Variants in TGIF1 observed in about 807,000 individuals in gnomAD.
The protein encoded by TGIF1 is homeobox protein TGIF1.
Under a neutral mutation model 19.3 loss-of-function variants are expected in TGIF1, and 4 were observed. The ratio of observed to expected loss-of-function variants is 0.21; its 90% CI spans 0.10 to 0.47. The LOEUF is 0.47. Ranked by LOEUF, TGIF1 falls within the 20% of genes least tolerant of loss-of-function variation. The pLI, the probability that TGIF1 is intolerant of heterozygous loss-of-function variation, is 0.98. For synonymous variants in TGIF1, 122 were observed against 129.3 expected, an observed-to-expected ratio of 0.94 and a Z score of 0.38; for missense variants, 275 against 341.4, an observed-to-expected ratio of 0.81 and a Z score of 1.53.
At chr18:3,452,811 T>A (rs767492694) in intron 1 of TGIF1, among the ~76,000 whole-genome samples, 3 of 152,312 alleles carry the variant, frequency 2.0e-5, no homozygotes, top group Middle Eastern at 3.4e-3. Context: ...TTTTCAAGTT[T>A]TCTTAAAACA....
intron 1 of TGIF1, among the ~76,000 whole-genome samples, chr18:3,417,059 T>G (rs1033434247): frequency 2.6e-5 from 4 of 152,204 alleles, no homozygotes; most frequent in African/African-American, 9.7e-5. Flanking sequence ...AAAATATATT[T>G]TTATAAAGAT....
At chr18:3,432,984 C>T (rs897231211) in intron 2 of TGIF1, among the ~76,000 whole-genome samples, 12 of 152,102 alleles carry the variant, frequency 7.9e-5, no homozygotes, top group African/African-American at 2.7e-4. Flanking sequence ...GTCTCGAACT[C>T]CCGACCTCAG....
At chr18:3,422,840 G>A (rs1187347964) in intron 2 of TGIF1, among the ~76,000 whole-genome samples, 4 of 151,736 alleles carry the variant, frequency 2.6e-5, no homozygotes, top group Admixed American at 1.3e-4. Context: ...ACAGGCACCC[G>A]CCACCACGCC....
At position 3,444,701 on chromosome 18, in the gene TGIF1, G is replaced by A. The variant is rs1014140130; in HGVS notation, c.-44-11653G>A. ...GGCTTGAGTACAGTGGTGCGATCTC[G>A]GTTCACTTAAGTGCATAAATATTTA... is the stretch of plus-strand genomic sequence containing the variant. On this transcript the variant is annotated intron_variant, in intron 2 of 3. Coordinates refer to the TGIF1 transcript ENST00000401449. 7.9e-5 allele frequency among the ~76,000 whole-genome samples: 12 copies of A among 151,596 alleles called. 1 individual carries two copies. The highest frequency in any genetic ancestry group is 2.0e-4 in the Admixed American group (3 of 15,226).
At chr18:3,423,453 G>A (rs984476841) in intron 2 of TGIF1, among the ~76,000 whole-genome samples, 44 of 152,140 alleles carry the variant, frequency 2.9e-4, no homozygotes, top group East Asian at 3.9e-4. Flanking sequence ...GCCAGGGCGG[G>A]CAGATCACGA....
At chr18:3,431,654 G>A (rs1019775070) in intron 2 of TGIF1, among the ~76,000 whole-genome samples, 2 of 151,944 alleles carry the variant, frequency 1.3e-5, no homozygotes, top group Non-Finnish European at 2.9e-5. Context: ...AAACTAAAGG[G>A]TAAAAGTTTG....
intron 1 of TGIF1, among the ~76,000 whole-genome samples, chr18:3,416,800 C>T (rs573767156): frequency 1.3e-4 from 19 of 151,174 alleles, no homozygotes; most frequent in African/African-American, 3.9e-4. Flanking sequence ...GGCGTGTTGG[C>T]GCACCCCTGT....
intron 2 of TGIF1, among the ~76,000 whole-genome samples, chr18:3,426,916 CTTTTTTTTTTTTTT>C (rs545236407): frequency 4.0e-5 from 4 of 100,088 alleles, no homozygotes; most frequent in Non-Finnish European, 7.8e-5. Context: ...AGGATGATCT[CTTTTTTTTTTTTTT>C]TTTTTTTTTG....
chr18:3,432,761 G>C (rs1007804448), intron 2 of TGIF1, among the ~76,000 whole-genome samples: 1 of 151,166 alleles, frequency 6.6e-6, no homozygotes, highest in Non-Finnish European at 1.5e-5. Context: ...TTCTTTTTTT[G>C]TTTGTTTTTT....
At chr18:3,438,765 C>T (rs1488574630) in intron 2 of TGIF1, among the ~76,000 whole-genome samples, 5 of 152,030 alleles carry the variant, frequency 3.3e-5, no homozygotes, top group African/African-American at 7.2e-5. Flanking sequence ...AAAATCAAGG[C>T]GCGTAGTCTG....
At chr18:3,441,508 G>C (rs1484324443) in intron 2 of TGIF1, among the ~76,000 whole-genome samples, 1 of 152,172 alleles carries the variant, frequency 6.6e-6, no homozygotes, top group East Asian at 1.9e-4. Flanking sequence ...CTATCCACTA[G>C]ATGCCAGTAG....
intron 2 of TGIF1, among the ~76,000 whole-genome samples, chr18:3,420,212 C>T (rs1011857755): frequency 2.0e-5 from 3 of 151,934 alleles, no homozygotes; most frequent in African/African-American, 7.3e-5. Flanking sequence ...GAAACCCTAT[C>T]TCTACTAAAC....
intron 2 of TGIF1, among the ~76,000 whole-genome samples, chr18:3,422,607 C>T (rs979659655): frequency 2.0e-5 from 3 of 151,062 alleles, no homozygotes; most frequent in South Asian, 2.1e-4. Flanking sequence ...ACTCACTCAC[C>T]GACTCACTGA....
chr18:3,452,219 C>A (rs757652544), intron 1 of TGIF1: 28 of 1,586,830 alleles, frequency 1.8e-5, no homozygotes, highest in Non-Finnish European at 2.3e-5. Context: ...CCTCCTGCGC[C>A]CCCCCTCCTC....
At chr18:3,446,093 A>G (rs2082742434), upstream of TGIF1, among the ~76,000 whole-genome samples, 1 of 152,230 alleles carries the variant, frequency 6.6e-6, no homozygotes, top group African/African-American at 2.4e-5. Context: ...GTGAGATTAA[A>G]TAAGTGTTTC....
At chr18:3,424,996 C>G (rs1315780757) in intron 2 of TGIF1, among the ~76,000 whole-genome samples, 1 of 152,200 alleles carries the variant, frequency 6.6e-6, no homozygotes, top group African/African-American at 2.4e-5. Context: ...GCAAATTAAT[C>G]AAACCTGTGG....
intron 2 of TGIF1, among the ~76,000 whole-genome samples, chr18:3,433,578 A>G (rs1024381869): frequency 6.6e-6 from 1 of 152,226 alleles, no homozygotes; most frequent in African/African-American, 2.4e-5. Flanking sequence ...TTAAGACGGA[A>G]AGCCTCCATG....
At chr18:3,452,073 G>T in intron 1 of TGIF1, 7 of 1,613,822 alleles carry the variant, frequency 4.3e-6, no homozygotes, top group Non-Finnish European at 5.9e-6. Flanking sequence ...TCCATGGCCC[G>T]CCTCCCACCC....
Position 3,457,748 on chromosome 18 carries a change from A to C in TGIF1, c.627A>C (p.Thr209=). The C allele has an allele frequency of 1.2e-6, 2 of 1,614,228 alleles. No homozygotes were observed. Among genetic ancestry groups the C allele is most frequent in the Non-Finnish European group, 1.7e-6 (2 of 1,180,040 alleles). The stretch of plus-strand genomic sequence containing the variant: ...AGCAGATAGCGGCCAAAAACTTCAC[A>C]GACACCTCTCTCATGTACCCAGAGG... ...DIQQIAAKNF[T]DTSLMYPEDT... is the part of the protein sequence containing the mutation. Residue 209 remains threonine (T), a synonymous_variant, in exon 3 of 3, where the codon ACA becomes ACC. Transcript: ENST00000343820. The surrounding 1 kb of genome is among the most constrained non-coding windows in gnomAD (Gnocchi z 4.9).
Sources: allele counts gnomAD v4.1 joint callset (sites outside exome capture counted in the v4.1 genomes callset), GRCh38; gene constraint gnomAD v4.1.1; non-coding constraint Gnocchi (gnomAD v3.1); transcripts MANE v1.5; gene names NCBI Gene and HGNC (gene_info 2026-07-23, HGNC 2026-07-21).